The following MRC1 variants were observed in gnomAD, a reference collection of about 807,000 sequenced individuals.
MRC1 encodes mannose receptor C-type 1, also known as macrophage mannose receptor 1.
A neutral mutation model predicts 102.9 loss-of-function variants in MRC1; 62 were observed. That is an observed-to-expected ratio of 0.60 (90% confidence interval 0.49 to 0.74). The LOEUF is 0.74. MRC1 is among the 30% of genes least tolerant of loss of function. MRC1 has a pLI of 0.00. For missense variants in MRC1, 1,237 were observed against 862.8 expected (o/e 1.43, Z -5.43); for synonymous variants, 457 against 298.4 (o/e 1.53, Z -5.48).
chr10:17,849,519 T>C, intron 6 of MRC1, 60 bp from the exon 7 acceptor site: 1 of 757,592 alleles, frequency 1.3e-6, no homozygotes, highest in Non-Finnish European at 2.4e-6. Flanking sequence ...GATTAAAATA[T>C]TGTTATAGTT....
chr10:17,855,959 A>G (rs1157524737), intron 8 of MRC1, among the ~76,000 whole-genome samples: 1 of 152,078 alleles, frequency 6.6e-6, no homozygotes, highest in Non-Finnish European at 1.5e-5. Flanking sequence ...GCCTGAGGTC[A>G]GGAGTTCAAG....
At chr10:17,890,294 G>C (rs1230301105) in intron 22 of MRC1, among the ~76,000 whole-genome samples, 1 of 152,036 alleles carries the variant, frequency 6.6e-6, no homozygotes, top group Non-Finnish European at 1.5e-5. Context: ...GATGTGTTTA[G>C]ATGTTGTATC....
chr10:17,812,734 G>A (rs1838244128), intron 1 of MRC1, among the ~76,000 whole-genome samples: 1 of 151,926 alleles, frequency 6.6e-6, no homozygotes, highest in Non-Finnish European at 1.5e-5. Context: ...ACCACACCCG[G>A]CTAATTTTTT....
intron 6 of MRC1, among the ~76,000 whole-genome samples, chr10:17,846,744 G>C (rs1441372970): frequency 6.6e-6 from 1 of 152,134 alleles, no homozygotes; most frequent in East Asian, 1.9e-4. Flanking sequence ...ATTCCACGTA[G>C]AATATAAACA....
chr10:17,874,082 A>T (rs999334610), intron 16 of MRC1, among the ~76,000 whole-genome samples: 147 of 152,338 alleles, frequency 9.6e-4, no homozygotes, highest in Admixed American at 2.0e-3. Flanking sequence ...TCTTTAGCAC[A>T]TATATTAGTG....
chr10:17,889,847 G>A (rs1335256327), intron 22 of MRC1, among the ~76,000 whole-genome samples: 1 of 152,030 alleles, frequency 6.6e-6, no homozygotes, highest in Non-Finnish European at 1.5e-5. Context: ...GAAGAGACCG[G>A]TATCTGTTAG....
At position 17,816,973 on chromosome 10, in the gene MRC1, C is replaced by T. The variant is rs976525245; in HGVS notation, c.62-6101C>T. On this transcript the variant is annotated intron_variant, in intron 1 of 29. Coordinates refer to ENST00000569591, the MANE Select transcript of MRC1 (RefSeq NM_002438.4). ...ATGCTTAAAAAAAATCCAGGCCAGG[C>T]GCGGTGGCTCATGCCTGTAATCCCA... Among the ~76,000 whole-genome samples, 9 of 152,188 alleles carry T rather than the reference C, an allele frequency of 5.9e-5. No homozygotes were observed. The South Asian group carries it at 1.0e-3, about 18-fold the overall frequency.
intron 9 of MRC1, among the ~76,000 whole-genome samples, chr10:17,858,912 CTTA>C (rs2130656962): frequency 6.6e-6 from 1 of 152,372 alleles, no homozygotes; most frequent in South Asian, 2.1e-4. Flanking sequence ...ACTTCTGAAA[CTTA>C]TTATAGGCGG....
At chr10:17,819,186 T>C (rs1838358486) in intron 1 of MRC1, among the ~76,000 whole-genome samples, 1 of 152,016 alleles carries the variant, frequency 6.6e-6, no homozygotes, top group African/African-American at 2.4e-5. Flanking sequence ...GCAAAAGAGA[T>C]GGGAAAAACA....
chr10:17,813,642 A>ATAT (rs1838258455), intron 1 of MRC1, among the ~76,000 whole-genome samples: 1 of 140,754 alleles, frequency 7.1e-6, no homozygotes, highest in Non-Finnish European at 1.5e-5. Flanking sequence ...TATATATATA[A>ATAT]ATATATACAT....
Position 17,823,190 on chromosome 10 carries a change from T to C in MRC1, c.178T>C (p.Trp60Arg). Residue 60 changes from tryptophan (W) to arginine (R), a missense_variant, in exon 2 of 30, where the codon TGG becomes CGG. Physicochemically the swap from Trp to Arg is moderately radical, Grantham distance 101 (BLOSUM62 -3). Transcript: ENST00000569591. Reference sequence around the variant, plus strand: ...GGATGCCGAATCACAGAAATTCCGATGGGTGTCCGAATCTCAGATTATGAG... The same window carrying C: ...GGATGCCGAATCACAGAAATTCCGACGGGTGTCCGAATCTCAGATTATGAG... Reference protein sequence around the residue: ...NQDAESQKFRWVSESQIMSVA... With the variant: ...NQDAESQKFRRVSESQIMSVA... 1 of 780,814 alleles carries C rather than the reference T, an allele frequency of 1.3e-6. No homozygotes were observed. Among genetic ancestry groups the C allele is most frequent in the Non-Finnish European group, 2.4e-6 (1 of 417,954 alleles). The allele number at this position is 780,814 out of a possible 1,614,324, so 48.4% of individuals were successfully genotyped here.
chr10:17,876,522 G>A (rs1229877552), intron 17 of MRC1, among the ~76,000 whole-genome samples: 6 of 152,086 alleles, frequency 3.9e-5, no homozygotes, highest in Non-Finnish European at 8.8e-5. Flanking sequence ...TGCTAGGATT[G>A]CAGACGTGAG....
At chr10:17,905,770 A>C (rs1749091735) in intron 26 of MRC1, among the ~76,000 whole-genome samples, 1 of 152,208 alleles carries the variant, frequency 6.6e-6, no homozygotes, top group African/African-American at 2.4e-5. Flanking sequence ...CTCAAGGTTC[A>C]GAAAGCCTGG....
At chr10:17,859,335 TGA>T (rs1172773558) in intron 9 of MRC1, among the ~76,000 whole-genome samples, 13 of 152,190 alleles carry the variant, frequency 8.5e-5, no homozygotes, top group African/African-American at 3.1e-4. Flanking sequence ...TTGTTGTTTT[TGA>T]GAAGGAGTCT....
intron 9 of MRC1, among the ~76,000 whole-genome samples, chr10:17,860,320 C>T (rs887737343): frequency 1.9e-4 from 28 of 149,156 alleles, no homozygotes; most frequent in African/African-American, 6.4e-4. Context: ...CACTCAGGCT[C>T]GAGTGTAGTG....
At chr10:17,876,707 A>C (rs1193079031) in intron 17 of MRC1, among the ~76,000 whole-genome samples, 1 of 152,190 alleles carries the variant, frequency 6.6e-6, no homozygotes, top group Non-Finnish European at 1.5e-5. Context: ...TTTAATTTTT[A>C]ATTTAAAAAT....
At chr10:17,908,952 T>C (rs1833932865) in intron 28 of MRC1, among the ~76,000 whole-genome samples, 1 of 152,218 alleles carries the variant, frequency 6.6e-6, no homozygotes, top group South Asian at 2.1e-4. Flanking sequence ...TAGCCTTGAA[T>C]GTTTTACTTA....
At chr10:17,817,023 G>T (rs941270157) in intron 1 of MRC1, among the ~76,000 whole-genome samples, 2 of 152,056 alleles carry the variant, frequency 1.3e-5, no homozygotes, top group Non-Finnish European at 2.9e-5. Flanking sequence ...CGGGGCAGGT[G>T]GATCACTTGA....
chr10:17,826,703 C>T (rs1484069934), intron 2 of MRC1, among the ~76,000 whole-genome samples: 5 of 152,182 alleles, frequency 3.3e-5, no homozygotes, highest in Non-Finnish European at 7.3e-5. Context: ...ACCTTTTTGG[C>T]TTAAGCCAAA....
Sources: gnomAD v4.1 joint callset for allele counts (sites outside exome capture counted in the v4.1 genomes callset) on GRCh38, gnomAD v4.1.1 for gene constraint, MANE v1.5 for transcripts, NCBI Gene and HGNC (gene_info 2026-07-23, HGNC 2026-07-21) for gene names.